Variants in GALNT13 observed in about 807,000 individuals in gnomAD.
GALNT13 encodes UDP-GalNAc:polypeptide N-acetylgalactosaminyltransferase 13.
In GALNT13, 28 loss-of-function variants were observed where a neutral mutation model predicts 64.2. The observed-to-expected ratio is 0.44, with a 90% CI of 0.32 to 0.60. The LOEUF is 0.60. Ranked by LOEUF, GALNT13 falls within the 20% of genes least tolerant of loss-of-function variation. The pLI is 0.05. For missense variants in GALNT13, 577 were observed against 669.8 expected (o/e 0.86, Z 1.53); for synonymous variants, 214 against 224.6 (o/e 0.95, Z 0.42).
chr2:153,576,162 C>T, the GALNT13 span, among the ~76,000 whole-genome samples: 1 of 151,992 alleles, frequency 6.6e-6, no homozygotes, highest in African/African-American at 2.4e-5. Context: ...TCTTTCCTCT[C>T]CTCTCCTCAA....
chr2:154,053,959 A>G (rs565644661), intron 3 of GALNT13, among the ~76,000 whole-genome samples: 3 of 152,126 alleles, frequency 2.0e-5, no homozygotes, highest in Non-Finnish European at 4.4e-5. Flanking sequence ...CTACAAATAA[A>G]CACCTGGTTC....
At chr2:154,303,629 A>G (rs536809687) in intron 9 of GALNT13, among the ~76,000 whole-genome samples, 30 of 152,132 alleles carry the variant, frequency 2.0e-4, no homozygotes, top group Non-Finnish European at 4.0e-4. Context: ...CTTAACTCCT[A>G]TATCAGCGAC....
chr2:153,785,226 A>G, the GALNT13 span, among the ~76,000 whole-genome samples: 1 of 152,128 alleles, frequency 6.6e-6, no homozygotes, highest in South Asian at 2.1e-4. Context: ...GCTCTCTAAA[A>G]AGTGACCAGA....
chr2:153,138,616 A>G, the GALNT13 span, among the ~76,000 whole-genome samples: 1 of 152,112 alleles, frequency 6.6e-6, no homozygotes, highest in Non-Finnish European at 1.5e-5. Context: ...CAAGTCAACT[A>G]TTTTGACTGT....
the GALNT13 span, among the ~76,000 whole-genome samples, chr2:153,676,058 G>A: frequency 6.6e-6 from 1 of 151,838 alleles, no homozygotes; most frequent in African/African-American, 2.4e-5. Flanking sequence ...AGCTTTAAAA[G>A]ATCAATGAAA....
the GALNT13 span, among the ~76,000 whole-genome samples, chr2:153,469,933 C>A: frequency 6.6e-6 from 1 of 152,008 alleles, no homozygotes; most frequent in Admixed American, 6.6e-5. Flanking sequence ...GGTGGCAATA[C>A]CTGCCCCAGA....
the GALNT13 span, among the ~76,000 whole-genome samples, chr2:153,267,297 T>G: frequency 0.24 from 36,998 of 152,104 alleles, 4,788 homozygotes; most frequent in Middle Eastern, 0.36. Context: ...GGACTCTGTG[T>G]GGGGGCTCCA....
chr2:153,821,774 A>C, the GALNT13 span, among the ~76,000 whole-genome samples: 5 of 152,158 alleles, frequency 3.3e-5, no homozygotes, highest in African/African-American at 1.2e-4. Flanking sequence ...AAATCATATA[A>C]AGTATTAATG....
At chr2:153,131,612 G>A in the GALNT13 span, among the ~76,000 whole-genome samples, 1 of 152,186 alleles carries the variant, frequency 6.6e-6, no homozygotes, top group Admixed American at 6.5e-5. Context: ...CCATATCCCA[G>A]GTCTGCACCT....
rs569390321 is a variant in GALNT13 at position 154,203,793 on chromosome 2, T to C, written c.312-38237T>C. On this transcript the variant is annotated intron_variant, in intron 4 of 12. Coordinates refer to ENST00000392825, the MANE Select transcript of GALNT13 (RefSeq NM_052917.4). ...ATAATGTAGCCTGAATTAATTCACTTCTCTTCCTTTCCTGTAACAAATCAC... is the reference window on the plus strand; with the variant it reads ...ATAATGTAGCCTGAATTAATTCACTCCTCTTCCTTTCCTGTAACAAATCAC... 7.4e-4 allele frequency among the ~76,000 whole-genome samples: 113 copies of C among 152,280 alleles called. 1 individual carries two copies. The South Asian group carries it at 0.023, about 31-fold the overall frequency.
At chr2:154,155,942 A>G (rs539573413) in intron 4 of GALNT13, among the ~76,000 whole-genome samples, 35 of 151,986 alleles carry the variant, frequency 2.3e-4, no homozygotes, top group Non-Finnish European at 5.0e-4. Flanking sequence ...TATATTTTCT[A>G]CATATATTTA....
chr2:154,277,200 T>C (rs1295748170), intron 8 of GALNT13, among the ~76,000 whole-genome samples: 1 of 152,196 alleles, frequency 6.6e-6, no homozygotes, highest in Non-Finnish European at 1.5e-5. Flanking sequence ...ATTAATAAAG[T>C]ATTTATTAAA....
chr2:153,717,233 A>G, the GALNT13 span, among the ~76,000 whole-genome samples: 1 of 152,268 alleles, frequency 6.6e-6, no homozygotes, highest in East Asian at 1.9e-4. Context: ...TGTTGTTCCT[A>G]ATTGCTAGCA....
intron 9 of GALNT13, among the ~76,000 whole-genome samples, chr2:154,354,534 T>A (rs1032520614): frequency 2.0e-5 from 3 of 151,454 alleles, no homozygotes; most frequent in Non-Finnish European, 4.4e-5. Context: ...CTAAGACTTT[T>A]ATGGTTTCAG....
At chr2:154,141,663 G>T (rs866788062) in intron 4 of GALNT13, among the ~76,000 whole-genome samples, 2 of 152,010 alleles carry the variant, frequency 1.3e-5, no homozygotes, top group Non-Finnish European at 2.9e-5. Context: ...GCATAAAAAG[G>T]TCCATATACT....
chr2:153,860,760 T>C, the GALNT13 span, among the ~76,000 whole-genome samples: 1 of 152,202 alleles, frequency 6.6e-6, no homozygotes, highest in Non-Finnish European at 1.5e-5. Flanking sequence ...GATATTTCTA[T>C]GACCAACGTG....
the GALNT13 span, among the ~76,000 whole-genome samples, chr2:153,286,901 A>T: frequency 6.6e-6 from 1 of 152,210 alleles, no homozygotes; most frequent in African/African-American, 2.4e-5. Context: ...TTGTTTTAAA[A>T]TGATTTAAAG....
the GALNT13 span, among the ~76,000 whole-genome samples, chr2:153,849,404 T>C: frequency 6.6e-6 from 1 of 152,186 alleles, no homozygotes; most frequent in Non-Finnish European, 1.5e-5. Flanking sequence ...AATTCAATAT[T>C]GTATTCTTGC....
the GALNT13 span, among the ~76,000 whole-genome samples, chr2:153,245,398 C>T: frequency 3.3e-4 from 51 of 152,296 alleles, no homozygotes; most frequent in African/African-American, 1.1e-3. Context: ...CTCTGGCTGC[C>T]GTCAGGCTGG....
Sources: allele counts gnomAD v4.1 joint callset (sites outside exome capture counted in the v4.1 genomes callset), GRCh38; gene constraint gnomAD v4.1.1; transcripts MANE v1.5; gene names NCBI Gene and HGNC (gene_info 2026-07-23, HGNC 2026-07-21).